DGKI: variants seen among roughly 807,000 people sequenced by gnomAD.
The protein encoded by DGKI is diacylglycerol kinase iota.
DGKI carries 55 observed loss-of-function variants against 147.5 expected under a neutral mutation model. The observed-to-expected ratio is 0.37, with a 90% CI of 0.30 to 0.47. DGKI has a LOEUF of 0.47. Among genes scored for constraint, DGKI ranks in the 20% least tolerant of loss-of-function variants. The pLI is 1.00. For missense variants in DGKI, 1,007 were observed against 1,323.8 expected, an observed-to-expected ratio of 0.76 and a Z score of 3.71; for synonymous variants, 469 against 477.1, an observed-to-expected ratio of 0.98 and a Z score of 0.22.
At chr7:137,782,206 G>T (rs1322709534) in intron 1 of DGKI, among the ~76,000 whole-genome samples, 3 of 152,156 alleles carry the variant, frequency 2.0e-5, no homozygotes, top group African/African-American at 7.2e-5. Context: ...CAAGTTCTCA[G>T]CCCTGGTCAC....
chr7:137,429,532 C>T (rs1209226023), intron 28 of DGKI, among the ~76,000 whole-genome samples: 1 of 150,624 alleles, frequency 6.6e-6, no homozygotes, highest in Non-Finnish European at 1.5e-5. Context: ...GCAATGGCAA[C>T]AAAAGACAAA....
chr7:137,691,370 G>A (rs1823597383), intron 1 of DGKI, among the ~76,000 whole-genome samples: 1 of 152,062 alleles, frequency 6.6e-6, no homozygotes, highest in Admixed American at 6.5e-5. Flanking sequence ...TCTGAGATGA[G>A]GCCTGCAGAT....
rs569495624 is a variant in DGKI at position 137,587,081 on chromosome 7, C to T, written c.1425+16G>A. ...GTTGTTTGATGATATGGGCAGTCCC[C>T]GAGAGCAGTTCTTACCCCTCCCCAG... On this transcript the variant is annotated intron_variant, in intron 13 of 32. Coordinates refer to ENST00000614521, the MANE Select transcript of DGKI (RefSeq NM_001321708.2). The T allele has an allele frequency of 7.1e-6, 11 of 1,559,396 alleles. No homozygotes were observed. The highest frequency in any genetic ancestry group is 3.6e-5 in the South Asian group (3 of 83,362).
intron 21 of DGKI, among the ~76,000 whole-genome samples, chr7:137,514,355 C>A (rs560823525): frequency 1.3e-5 from 2 of 152,154 alleles, no homozygotes; most frequent in Non-Finnish European, 2.9e-5. Context: ...TATTTGCACA[C>A]GAATCCTCTC....
At chr7:137,765,204 A>G (rs1795978545) in intron 1 of DGKI, among the ~76,000 whole-genome samples, 1 of 152,216 alleles carries the variant, frequency 6.6e-6, no homozygotes, top group Non-Finnish European at 1.5e-5. Context: ...TTAGTGGCTT[A>G]TACTGAGCTT....
chr7:137,697,918 A>G (rs1823845719), intron 1 of DGKI, among the ~76,000 whole-genome samples: 1 of 151,814 alleles, frequency 6.6e-6, no homozygotes, highest in Admixed American at 6.6e-5. Flanking sequence ...AGCTTTATAT[A>G]TCTATATCTA....
At chr7:137,605,302 C>T (rs867223387) in intron 10 of DGKI, among the ~76,000 whole-genome samples, 5 of 125,144 alleles carry the variant, frequency 4.0e-5, no homozygotes, top group East Asian at 2.6e-4. Context: ...AGCAAGACTC[C>T]GTCTCAAAAA....
intron 12 of DGKI, among the ~76,000 whole-genome samples, chr7:137,592,472 G>A (rs947085420): frequency 1.2e-4 from 18 of 152,280 alleles, no homozygotes; most frequent in East Asian, 3.9e-4. Context: ...CCATCTGTCC[G>A]TTTTTAGCAT....
chr7:137,541,073 T>C (rs1646365), intron 20 of DGKI, among the ~76,000 whole-genome samples: 6,508 of 152,198 alleles, frequency 0.043, 344 homozygotes, highest in East Asian at 0.11. Context: ...GGAACTCAAA[T>C]AGCCACAACA....
intron 11 of DGKI, among the ~76,000 whole-genome samples, chr7:137,598,380 C>T (rs1275146072): frequency 6.6e-6 from 1 of 151,998 alleles, no homozygotes; most frequent in African/African-American, 2.4e-5. Flanking sequence ...ACTCTTAATC[C>T]TAAGAAATCT....
In DGKI at chr7:137,434,055, G is replaced by A. The variant is rs143093546; in HGVS notation, c.2761+10022C>T. On this transcript the variant is annotated intron_variant, in intron 28 of 32. Transcript: ENST00000614521. ...AAGCGCTTGAACCTGGGAGGCAGAG[G>A]TTGCAGTGAGCTGAGATCATGCCAC... 7.2e-3 allele frequency among the ~76,000 whole-genome samples: 1,086 copies of A among 151,482 alleles called. 9 individuals carry two copies. Among genetic ancestry groups the A allele is most frequent in the Middle Eastern group, 0.069 (20 of 290 alleles).
chr7:137,546,933 T>G (rs537699219), intron 20 of DGKI, among the ~76,000 whole-genome samples: 1 of 152,358 alleles, frequency 6.6e-6, no homozygotes, highest in East Asian at 1.9e-4. Flanking sequence ...GGAATTCGAT[T>G]GCTCAATTCA....
rs949284861 is a variant in DGKI, at chr7:137,793,065, A to T, written c.401+53397T>A. On this transcript the variant is annotated intron_variant, in intron 1 of 32. Transcript: ENST00000614521. ...GTTGCTATTATTGCTATTGCATCAG[A>T]TAGTTTATCTCTTTCCTCTTTTCTT... 5.2e-4 allele frequency among the ~76,000 whole-genome samples: 79 copies of T among 152,188 alleles called. 4 individuals are homozygous for T. Among genetic ancestry groups the T allele is most frequent in the South Asian group, 2.1e-4 (1 of 4,828 alleles).
intron 1 of DGKI, among the ~76,000 whole-genome samples, chr7:137,767,091 G>T (rs1796035765): frequency 6.6e-6 from 1 of 152,122 alleles, no homozygotes. Context: ...CCTGATGGGG[G>T]GGCCACTACC....
In DGKI at chr7:137,544,975, G is replaced by A. The variant is rs527927623; in HGVS notation, c.2147+7394C>T. On this transcript the variant is annotated intron_variant, in intron 20 of 32. Coordinates refer to ENST00000614521, the MANE Select transcript of DGKI (RefSeq NM_001321708.2). Reference sequence around the variant, plus strand: ...TTTGGAAAGGTAATCATTCAAGTGGGCCTTGAGAAATATACAGGATCCTGA... The same window carrying A: ...TTTGGAAAGGTAATCATTCAAGTGGACCTTGAGAAATATACAGGATCCTGA... Among the ~76,000 whole-genome samples the A allele has an allele frequency of 3.3e-5, 5 of 152,280 alleles. No individual in the cohort carries two copies. In the East Asian group the frequency reaches 9.6e-4, roughly 29 times the overall value.
chr7:137,694,338 T>C (rs893534668), intron 1 of DGKI, among the ~76,000 whole-genome samples: 1 of 150,758 alleles, frequency 6.6e-6, no homozygotes, highest in African/African-American at 2.4e-5. Flanking sequence ...AAAAAAAAAA[T>C]TTATGGAAAA....
chr7:137,777,095 G>A (rs147836278), intron 1 of DGKI, among the ~76,000 whole-genome samples: 114 of 152,176 alleles, frequency 7.5e-4, no homozygotes, highest in Admixed American at 1.9e-3. Flanking sequence ...CAGGAGGCTA[G>A]AGCAGATGAT....
At chr7:137,817,905 A>G (rs1210642876) in intron 1 of DGKI, among the ~76,000 whole-genome samples, 1 of 152,234 alleles carries the variant, frequency 6.6e-6, no homozygotes, top group Non-Finnish European at 1.5e-5. Context: ...AGGGGCTAAC[A>G]TCAGACACTA....
intron 30 of DGKI, among the ~76,000 whole-genome samples, chr7:137,401,752 C>T (rs1045060420): frequency 2.6e-5 from 4 of 152,118 alleles, no homozygotes; most frequent in Admixed American, 6.5e-5. Context: ...ACTGAAATGT[C>T]CACCCTTCAT....
Sources: allele counts gnomAD v4.1 joint callset (sites outside exome capture counted in the v4.1 genomes callset), GRCh38; gene constraint gnomAD v4.1.1; transcripts MANE v1.5; gene names NCBI Gene and HGNC (gene_info 2026-07-23, HGNC 2026-07-21).